LHFPL3: variants seen among roughly 807,000 people sequenced by gnomAD.
LHFPL3 encodes LHFPL tetraspan subfamily member 3 protein.
In LHFPL3, 5 loss-of-function variants were observed where a neutral mutation model predicts 19.3. The observed-to-expected ratio is 0.26, with a 90% CI of 0.14 to 0.54. LHFPL3 has a LOEUF of 0.54. LHFPL3 is among the 20% of genes least tolerant of loss of function. LHFPL3 has a pLI of 0.94. For missense variants in LHFPL3, 249 were observed against 307.4 expected, an observed-to-expected ratio of 0.81 and a Z score of 1.42; for synonymous variants, 133 against 126.2, an observed-to-expected ratio of 1.05 and a Z score of -0.36.
At chr7:104,625,668 C>G (rs1022693323) in intron 1 of LHFPL3, among the ~76,000 whole-genome samples, 1 of 152,154 alleles carries the variant, frequency 6.6e-6, no homozygotes, top group Non-Finnish European at 1.5e-5. Context: ...GAAGCAAACA[C>G]CAGCCTCTTT....
At chr7:104,407,223 G>A (rs1791434891) in intron 1 of LHFPL3, among the ~76,000 whole-genome samples, 1 of 152,206 alleles carries the variant, frequency 6.6e-6, no homozygotes, top group African/African-American at 2.4e-5. Flanking sequence ...GTGAAGGATT[G>A]TAAAACATAA....
At chr7:104,356,607 G>T (rs986135227) in intron 1 of LHFPL3, among the ~76,000 whole-genome samples, 4 of 152,138 alleles carry the variant, frequency 2.6e-5, no homozygotes, top group African/African-American at 4.8e-5. Flanking sequence ...ACCCACATCT[G>T]ACCCAAGAAG....
intron 1 of LHFPL3, among the ~76,000 whole-genome samples, chr7:104,685,476 G>T (rs1792787585): frequency 6.6e-6 from 1 of 152,082 alleles, no homozygotes; most frequent in African/African-American, 2.4e-5. Flanking sequence ...ACATTCAGAG[G>T]CAATAACATG....
At chr7:104,746,763 T>C (rs770826136) in intron 2 of LHFPL3, among the ~76,000 whole-genome samples, 2 of 152,212 alleles carry the variant, frequency 1.3e-5, no homozygotes, top group Admixed American at 6.5e-5. Flanking sequence ...TAAAAAGAGA[T>C]AATGCATGTA....
chr7:104,528,621 G>A (rs1794234564), intron 1 of LHFPL3, among the ~76,000 whole-genome samples: 1 of 152,064 alleles, frequency 6.6e-6, no homozygotes, highest in Non-Finnish European at 1.5e-5. Flanking sequence ...ATATAATTAA[G>A]GCTAAATCAT....
At chr7:104,470,567 G>A (rs966592195) in intron 1 of LHFPL3, among the ~76,000 whole-genome samples, 3 of 152,174 alleles carry the variant, frequency 2.0e-5, no homozygotes, top group East Asian at 1.9e-4. Context: ...CTGTGCAAAC[G>A]CTGACAGCTC....
At position 104,730,193 on chromosome 7, in the gene LHFPL3, C is replaced by T. The variant is rs995178529; in HGVS notation, c.446-6482C>T. Among the ~76,000 whole-genome samples the T allele has an allele frequency of 2.0e-5, 3 of 152,226 alleles. No homozygotes were observed. The South Asian group carries it at 6.2e-4, about 32-fold the overall frequency. ...AAATCTTTGCTGTTCTGAGTAGTGC[C>T]ACAGTAAACATACGTGTACATGTGT... On this transcript the variant is annotated intron_variant, in intron 1 of 2. Coordinates refer to ENST00000424859, the MANE Select transcript of LHFPL3 (RefSeq NM_199000.3).
In LHFPL3 at chr7:104,887,246, T is replaced by G. The variant is rs538526037; in HGVS notation, c.683-18941T>G. Among the ~76,000 whole-genome samples the G allele has an allele frequency of 2.0e-5, 3 of 152,340 alleles. No individual in the cohort carries two copies. In the South Asian group the frequency reaches 6.2e-4, roughly 32 times the overall value. ...AGGGAAGGAAAGATGACTGTCTAAC[T>G]TACTGTATAAGAATATTACCCTAGC... On this transcript the variant is annotated intron_variant, in intron 2 of 2. Transcript: ENST00000424859.
At chr7:104,556,223 T>C (rs1789828226) in intron 1 of LHFPL3, among the ~76,000 whole-genome samples, 2 of 152,196 alleles carry the variant, frequency 1.3e-5, no homozygotes, top group South Asian at 4.1e-4. Flanking sequence ...AGTGCCCCAG[T>C]AAGGAATCTG....
chr7:104,709,725 C>T (rs1448866833), intron 1 of LHFPL3, among the ~76,000 whole-genome samples: 2 of 151,932 alleles, frequency 1.3e-5, no homozygotes, highest in Non-Finnish European at 2.9e-5. Context: ...CATCATGGCC[C>T]GTTCTCAATG....
At chr7:104,452,138 G>A (rs571698583) in intron 1 of LHFPL3, among the ~76,000 whole-genome samples, 73 of 151,808 alleles carry the variant, frequency 4.8e-4, no homozygotes, top group South Asian at 4.2e-4. Context: ...CTAACATTTG[G>A]TATTCTTTCC....
chr7:104,818,948 T>C (rs1214594581), intron 2 of LHFPL3, among the ~76,000 whole-genome samples: 1 of 152,202 alleles, frequency 6.6e-6, no homozygotes, highest in East Asian at 1.9e-4. Context: ...TTTTCTCTCC[T>C]CGTCTGTCTG....
At chr7:104,680,921 C>G (rs1239854225) in intron 1 of LHFPL3, among the ~76,000 whole-genome samples, 1 of 152,110 alleles carries the variant, frequency 6.6e-6, no homozygotes, top group African/African-American at 2.4e-5. Context: ...GTTTATTAAA[C>G]AACCGAGCTA....
chr7:104,454,642 G>T (rs1225632733), intron 1 of LHFPL3, among the ~76,000 whole-genome samples: 1 of 152,170 alleles, frequency 6.6e-6, no homozygotes. Flanking sequence ...AATGGGGATA[G>T]TAACTGTTCA....
intron 1 of LHFPL3, 84 bp from the exon 2 acceptor site, chr7:104,736,591 G>A (rs957143723): frequency 9.6e-6 from 8 of 831,292 alleles, no homozygotes; most frequent in Non-Finnish European, 1.3e-5. Context: ...ACAATGATTC[G>A]ACAGACAGTG....
intron 1 of LHFPL3, among the ~76,000 whole-genome samples, chr7:104,503,542 T>C (rs1046987102): frequency 2.0e-5 from 3 of 152,088 alleles, no homozygotes; most frequent in Non-Finnish European, 4.4e-5. Flanking sequence ...ATCATTTCCA[T>C]GTTTAAGAGT....
rs530229880 is a variant in LHFPL3 at position 104,561,962 on chromosome 7, G to C, written c.446-174713G>C. 7.3e-4 allele frequency among the ~76,000 whole-genome samples: 111 copies of C among 152,168 alleles called. 1 individual carries two copies. The highest frequency in any genetic ancestry group is 2.6e-3 in the Admixed American group (40 of 15,300). On this transcript the variant is annotated intron_variant, in intron 1 of 2. Transcript: ENST00000424859. ...TAAGAAGCTTAGTTTGGCTGGATATGAAATTCTGGGTTGAAAATTCTTTTC... is the reference window on the plus strand; with the variant it reads ...TAAGAAGCTTAGTTTGGCTGGATATCAAATTCTGGGTTGAAAATTCTTTTC...
At chr7:104,542,971 C>T (rs947663364) in intron 1 of LHFPL3, among the ~76,000 whole-genome samples, 1 of 152,046 alleles carries the variant, frequency 6.6e-6, no homozygotes, top group Non-Finnish European at 1.5e-5. Flanking sequence ...ATTATGCAGC[C>T]ATAGTAAACA....
chr7:104,691,227 A>G (rs1343275100), intron 1 of LHFPL3, among the ~76,000 whole-genome samples: 1 of 152,242 alleles, frequency 6.6e-6, no homozygotes, highest in Non-Finnish European at 1.5e-5. Flanking sequence ...GAAGTGGCAC[A>G]AACGTAATTG....
Sources: allele counts gnomAD v4.1 joint callset (sites outside exome capture counted in the v4.1 genomes callset), GRCh38; gene constraint gnomAD v4.1.1; transcripts MANE v1.5; gene names NCBI Gene and HGNC (gene_info 2026-07-23, HGNC 2026-07-21).